TENT4B: variants seen among roughly 807,000 people sequenced by gnomAD.
The protein encoded by TENT4B is terminal nucleotidyltransferase 4B.
Under a neutral mutation model 75.0 loss-of-function variants are expected in TENT4B, and 10 were observed. The ratio of observed to expected loss-of-function variants is 0.13; its 90% CI spans 0.08 to 0.23. TENT4B has a LOEUF of 0.23. Ranked by LOEUF, TENT4B falls within the 10% of genes least tolerant of loss-of-function variation. The pLI, the probability that TENT4B is intolerant of heterozygous loss-of-function variation, is 1.00. For missense variants in TENT4B, 579 were observed against 893.8 expected, an observed-to-expected ratio of 0.65 and a Z score of 4.49; for synonymous variants, 350 against 357.7, an observed-to-expected ratio of 0.98 and a Z score of 0.24.
At chr16:50,155,674 A>G (rs888181481) in intron 1 of TENT4B, among the ~76,000 whole-genome samples, 2 of 152,158 alleles carry the variant, frequency 1.3e-5, no homozygotes, top group African/African-American at 4.8e-5. Context: ...TTTAGGGTTG[A>G]GTCCTCTGTT....
intron 1 of TENT4B, among the ~76,000 whole-genome samples, chr16:50,154,890 A>G (rs372745822): frequency 6.6e-6 from 1 of 152,096 alleles, no homozygotes. Context: ...TGCCCTGTCT[A>G]TGCAGAGGGT....
chr16:50,222,528 T>G, intron 6 of TENT4B, 94 bp downstream of exon 6: 1 of 1,330,230 alleles, frequency 7.5e-7, no homozygotes, highest in Non-Finnish European at 1.0e-6. Flanking sequence ...AATCAACCTG[T>G]AATTGCATTG....
chr16:50,153,510 G>GCGGCA lies in TENT4B; in HGVS notation c.-112_-111insCGGCA. ...CCCGAGCAGCAGCAGCAGCAGCAGCGGCAGCAGCGGCAGCAGCAGCAGCAG... is the reference window on the plus strand; with the variant it reads ...CCCGAGCAGCAGCAGCAGCAGCAGCGCGGCAGCAGCAGCGGCAGCAGCAGCAGCAG... On this transcript the variant is annotated 5_prime_UTR_variant, in exon 1 of 12. Transcript: ENST00000561678. 1.1e-6 allele frequency: 1 copy of GCGGCA among 941,788 alleles called. No individual in the cohort carries two copies. The highest frequency in any genetic ancestry group is 4.9e-5 in the South Asian group (1 of 20,398). 58.3% of individuals were successfully genotyped at this position (941,788 alleles called of 1,614,324 possible).
chr16:50,193,331 GTT>G (rs774084083), intron 1 of TENT4B, among the ~76,000 whole-genome samples: 100 of 101,470 alleles, frequency 9.9e-4, no homozygotes, highest in African/African-American at 3.8e-3. Context: ...AGTTCCTGGA[GTT>G]TTTTTTTTTT....
chr16:50,221,426 C>G (rs553428403), intron 5 of TENT4B, among the ~76,000 whole-genome samples: 8 of 152,242 alleles, frequency 5.3e-5, no homozygotes, highest in Admixed American at 3.3e-4. Flanking sequence ...TACATACTTG[C>G]CCACTCAGGT....
intron 1 of TENT4B, among the ~76,000 whole-genome samples, chr16:50,170,680 T>C (rs976101745): frequency 6.6e-5 from 10 of 151,680 alleles, no homozygotes; most frequent in Admixed American, 2.0e-4. Flanking sequence ...TTTTTTTTTT[T>C]CTTTGAGATG....
intron 1 of TENT4B, among the ~76,000 whole-genome samples, chr16:50,207,801 C>T (rs187879403): frequency 1.3e-5 from 2 of 152,260 alleles, no homozygotes; most frequent in African/African-American, 4.8e-5. Flanking sequence ...CTCAGGTGGT[C>T]CACTCTGCCA....
intron 1 of TENT4B, among the ~76,000 whole-genome samples, chr16:50,177,925 CA>C (rs1323738554): frequency 1.3e-5 from 2 of 152,050 alleles, no homozygotes; most frequent in African/African-American, 4.8e-5. Context: ...GTCATATTTT[CA>C]TTTTCATTTA....
In TENT4B at chr16:50,202,997, C is replaced by T. The variant is rs546492928; in HGVS notation, c.639-8326C>T. Among the ~76,000 whole-genome samples the T allele has an allele frequency of 5.3e-5, 8 of 152,256 alleles. No individual in the cohort carries two copies. In the South Asian group the frequency reaches 1.7e-3, roughly 32 times the overall value. On this transcript the variant is annotated intron_variant, in intron 1 of 11. Transcript: ENST00000561678. Reference sequence around the variant, plus strand: ...GCTCTAATTTCTAGGAAAGCAGGCACGAGTACCTCTTAAAAGAAGAAAAAA... The same window carrying T: ...GCTCTAATTTCTAGGAAAGCAGGCATGAGTACCTCTTAAAAGAAGAAAAAA...
intron 1 of TENT4B, 141 bp from the exon 2 acceptor site, chr16:50,211,182 T>C (rs2031258047): frequency 2.2e-6 from 2 of 898,576 alleles, no homozygotes; most frequent in African/African-American, 3.6e-5. Flanking sequence ...CATTCCCATT[T>C]TAGCTTATCT....
In TENT4B at chr16:50,186,069, C is replaced by T. The variant is rs547022511; in HGVS notation, c.639-25254C>T. On this transcript the variant is annotated intron_variant, in intron 1 of 11. Coordinates refer to ENST00000561678, the MANE Select transcript of TENT4B (RefSeq NM_001365324.3). ...TAAAATATACATAAGATAAAATTTA[C>T]CATTTTAGCCATTTTTAAGTTTACA... 3.9e-5 allele frequency among the ~76,000 whole-genome samples: 6 copies of T among 152,160 alleles called. No individual in the cohort carries two copies. In the South Asian group the frequency reaches 1.2e-3, roughly 32 times the overall value.
intron 2 of TENT4B, among the ~76,000 whole-genome samples, chr16:50,213,351 G>A (rs1013295633): frequency 6.6e-6 from 1 of 152,180 alleles, no homozygotes; most frequent in Non-Finnish European, 1.5e-5. Flanking sequence ...GAGCCACTGT[G>A]CCCGGCCTAT....
upstream of TENT4B, chr16:50,153,053 G>A: frequency 1.3e-6 from 2 of 1,486,204 alleles, no homozygotes; most frequent in South Asian, 1.3e-5. Flanking sequence ...GCACTCCACA[G>A]ATGGCGCAAG....
chr16:50,230,655 T>A lies in TENT4B; in HGVS notation c.*1327T>A. On this transcript the variant is annotated 3_prime_UTR_variant, in exon 12 of 12. Coordinates refer to ENST00000561678, the MANE Select transcript of TENT4B (RefSeq NM_001365324.3). Reference sequence around the variant, plus strand: ...TTTATCCTCTTCTTTCATGGAATTGTTATCGTTAATTAAAACTTTTTTAAA... The same window carrying A: ...TTTATCCTCTTCTTTCATGGAATTGATATCGTTAATTAAAACTTTTTTAAA... 1.0e-6 allele frequency: 1 copy of A among 985,562 alleles called. No individual in the cohort carries two copies. Among genetic ancestry groups the A allele is most frequent in the East Asian group, 1.1e-4 (1 of 8,820 alleles). The allele number at this position is 985,562 out of a possible 1,614,324, so 61.1% of individuals were successfully genotyped here. A position where few individuals can be genotyped will look rare whatever the true frequency, so the allele number is the denominator to read the frequency against.
At chr16:50,171,248 A>G (rs942518136) in intron 1 of TENT4B, among the ~76,000 whole-genome samples, 3 of 152,264 alleles carry the variant, frequency 2.0e-5, no homozygotes, top group East Asian at 1.9e-4. Flanking sequence ...AAAAAATACA[A>G]AAAATAGCCA....
chr16:50,203,752 T>G (rs908989183), intron 1 of TENT4B, among the ~76,000 whole-genome samples: 9 of 152,178 alleles, frequency 5.9e-5, no homozygotes, highest in African/African-American at 2.4e-5. Context: ...CTGTGGACAT[T>G]GGGGTGGGTA....
At chr16:50,198,632 C>G (rs1023902442) in intron 1 of TENT4B, among the ~76,000 whole-genome samples, 1 of 151,976 alleles carries the variant, frequency 6.6e-6, no homozygotes, top group Non-Finnish European at 1.5e-5. Flanking sequence ...TAAAATCCCA[C>G]TGATTTTTTT....
intron 1 of TENT4B, among the ~76,000 whole-genome samples, chr16:50,196,488 TATCATCATCATC>T (rs10536148): frequency 1.0e-4 from 15 of 149,858 alleles, no homozygotes; most frequent in East Asian, 3.9e-4. Context: ...AGTTTATCAT[TATCATCATCATC>T]ATCATCATCA....
upstream of TENT4B, among the ~76,000 whole-genome samples, chr16:50,153,292 C>A (rs1349676058): frequency 2.1e-5 from 3 of 146,150 alleles, no homozygotes; most frequent in African/African-American, 4.9e-5. Context: ...CCGCTGCCGC[C>A]GCCGCCGCTC....
Sources: allele counts gnomAD v4.1 joint callset (sites outside exome capture counted in the v4.1 genomes callset), GRCh38; gene constraint gnomAD v4.1.1; transcripts MANE v1.5; gene names NCBI Gene and HGNC (gene_info 2026-07-23, HGNC 2026-07-21).